Variants in PLCXD3 observed in about 807,000 individuals in gnomAD.
PLCXD3 encodes PI-PLC X domain-containing protein 3.
Under a neutral mutation model 25.5 loss-of-function variants are expected in PLCXD3, and 19 were observed. That is an observed-to-expected ratio of 0.75 (90% confidence interval 0.52 to 1.09). PLCXD3 has a LOEUF of 1.09. Among genes scored for constraint, PLCXD3 ranks in the 50% least tolerant of loss-of-function variants. The probability of loss-of-function intolerance (pLI) is 0.00; values close to 1 mark genes in which losing one functional copy is unlikely to be tolerated. For missense variants in PLCXD3, 411 were observed against 388.1 expected (o/e 1.06, Z -0.50); for synonymous variants, 174 against 137.6 (o/e 1.26, Z -1.85).
At chr5:41,383,216 AACAGCATTTAAAAATTG>A (rs1336689757) in intron 1 of PLCXD3, among the ~76,000 whole-genome samples, 3 of 152,158 alleles carry the variant, frequency 2.0e-5, no homozygotes, top group Non-Finnish European at 4.4e-5. Context: ...TTTAAAAATT[AACAGCATTTAAAAATTG>A]ACAGCATTTA....
At position 41,490,111 on chromosome 5, in the gene PLCXD3, C is replaced by T. The variant is rs192689193; in HGVS notation, c.103+20313G>A. Among the ~76,000 whole-genome samples, 1,038 of 152,262 alleles carry T rather than the reference C, an allele frequency of 6.8e-3. 9 individuals carry two copies. Among genetic ancestry groups the T allele is most frequent in the Non-Finnish European group, 9.3e-3 (634 of 68,028 alleles). ...CTTATTATCTTGAGATATGTCCCAT[C>T]AATACCTAATTTATTGAGAGTTTTT... On this transcript the variant is annotated intron_variant, in intron 1 of 2. Transcript: ENST00000377801.
chr5:41,325,308 GC>G (rs896206304), intron 2 of PLCXD3, among the ~76,000 whole-genome samples: 1 of 152,134 alleles, frequency 6.6e-6, no homozygotes, highest in African/African-American at 2.4e-5. Flanking sequence ...AAGCAATAAT[GC>G]CAAGTTAAAT....
chr5:41,467,984 G>C (rs1341565318), intron 1 of PLCXD3, among the ~76,000 whole-genome samples: 1 of 142,386 alleles, frequency 7.0e-6, no homozygotes, highest in Non-Finnish European at 1.5e-5. Context: ...TTTGAAATCA[G>C]GAGTGTGATA....
chr5:41,472,370 C>G (rs1376955502), intron 1 of PLCXD3, among the ~76,000 whole-genome samples: 1 of 152,148 alleles, frequency 6.6e-6, no homozygotes, highest in Non-Finnish European at 1.5e-5. Flanking sequence ...GGAAAAACAT[C>G]TATTTTCTTC....
At chr5:41,315,653 G>T (rs1029472065) in intron 2 of PLCXD3, among the ~76,000 whole-genome samples, 1 of 152,160 alleles carries the variant, frequency 6.6e-6, no homozygotes, top group African/African-American at 2.4e-5. Flanking sequence ...TGCCACAGAA[G>T]AAATAGAAAA....
intron 1 of PLCXD3, among the ~76,000 whole-genome samples, chr5:41,432,858 A>G (rs754761628): frequency 3.3e-4 from 51 of 152,362 alleles, no homozygotes; most frequent in Non-Finnish European, 5.9e-4. Context: ...TACAGGTTGA[A>G]TAGACTGATG....
At chr5:41,354,644 C>T (rs759496779) in intron 2 of PLCXD3, among the ~76,000 whole-genome samples, 1 of 152,066 alleles carries the variant, frequency 6.6e-6, no homozygotes, top group Non-Finnish European at 1.5e-5. Context: ...GTACCTAGAT[C>T]CTGGGTAGCA....
chr5:41,313,619 A>G lies in PLCXD3; in HGVS notation c.964T>C (p.Ter322ArgextTer1), dbSNP rs772733681. ...YVFDEGEANT* is the reference protein window; with the variant it reads ...YVFDEGEANTR ...CATGGAAACTCCAAGTAGTGCTATCAAGTGTTGGCTTCTCCTTCATCAAAG... is the reference window on the plus strand; with the variant it reads ...CATGGAAACTCCAAGTAGTGCTATCGAGTGTTGGCTTCTCCTTCATCAAAG... The change falls in exon 3 of 3, where the codon TGA becomes CGA. Residue 322 changes from the stop codon to arginine (R), a stop_lost. Transcript: ENST00000377801. 2 of 1,613,752 alleles carry G rather than the reference A, an allele frequency of 1.2e-6. No homozygotes were observed. Among genetic ancestry groups the G allele is most frequent in the Admixed American group, 3.3e-5 (2 of 60,010 alleles).
Position 41,461,598 on chromosome 5 carries a change from T to C in PLCXD3, c.103+48826A>G, listed in dbSNP as rs989261702. On this transcript the variant is annotated intron_variant, in intron 1 of 2. Transcript: ENST00000377801. Reference sequence around the variant, plus strand: ...GCACTGATATTTCTACATTTAGCCTTGTTTTTACAGTATTTCAGAGGTGTC... The same window carrying C: ...GCACTGATATTTCTACATTTAGCCTCGTTTTTACAGTATTTCAGAGGTGTC... 5.7e-4 allele frequency among the ~76,000 whole-genome samples: 87 copies of C among 152,034 alleles called. 1 individual carries two copies. The highest frequency in any genetic ancestry group is 1.9e-3 in the African/African-American group (78 of 41,436).
chr5:41,408,738 G>A (rs1012291286), intron 1 of PLCXD3, among the ~76,000 whole-genome samples: 2 of 152,172 alleles, frequency 1.3e-5, no homozygotes, highest in African/African-American at 4.8e-5. Context: ...AGAATACGGT[G>A]TCGCATAAGT....
At chr5:41,474,983 A>T (rs2150521133) in intron 1 of PLCXD3, among the ~76,000 whole-genome samples, 1 of 152,320 alleles carries the variant, frequency 6.6e-6, no homozygotes, top group East Asian at 1.9e-4. Flanking sequence ...AGCCAAAGTC[A>T]AAGCTAGCAT....
intron 1 of PLCXD3, among the ~76,000 whole-genome samples, chr5:41,392,320 G>T (rs187471587): frequency 6.6e-6 from 1 of 152,208 alleles, no homozygotes; most frequent in African/African-American, 2.4e-5. Context: ...AGCTTTAGGT[G>T]GCTCAGAACA....
chr5:41,376,314 G>C (rs1201695008), intron 2 of PLCXD3, among the ~76,000 whole-genome samples: 1 of 152,028 alleles, frequency 6.6e-6, no homozygotes, highest in African/African-American at 2.4e-5. Flanking sequence ...ACACTTGCTG[G>C]CATGCCACTC....
rs1289179439 is a variant in PLCXD3, at chr5:41,313,057, A to G, written c.*560T>C. 1 of 152,884 alleles carries G rather than the reference A, an allele frequency of 6.5e-6. No homozygotes were observed. The highest frequency in any genetic ancestry group is 6.5e-5 in the Admixed American group (1 of 15,306). 9.5% of individuals were successfully genotyped at this position (152,884 alleles called of 1,614,324 possible). A position where few individuals can be genotyped will look rare whatever the true frequency, so the allele number is the denominator to read the frequency against. ...ACCTTCAATATTACTGATGCATGGA[A>G]ACTGATTTGATGCAGATTTTCTATG... On this transcript the variant is annotated 3_prime_UTR_variant, in exon 3 of 3. Coordinates refer to ENST00000377801, the MANE Select transcript of PLCXD3 (RefSeq NM_001005473.3).
At chr5:41,392,417 T>C (rs74793928) in intron 1 of PLCXD3, among the ~76,000 whole-genome samples, 15,483 of 152,196 alleles carry the variant, frequency 0.1, 896 homozygotes, top group Non-Finnish European at 0.12. Flanking sequence ...AGTCTCTGCC[T>C]GGTAATCCAG....
intron 2 of PLCXD3, among the ~76,000 whole-genome samples, chr5:41,352,120 T>TA (rs1366233613): frequency 2.7e-5 from 4 of 149,790 alleles, no homozygotes; most frequent in African/African-American, 7.4e-5. Flanking sequence ...AATTATAAAA[T>TA]AAAGAACTGT....
intron 1 of PLCXD3, among the ~76,000 whole-genome samples, chr5:41,489,661 G>T (rs1430802328): frequency 6.6e-6 from 1 of 151,890 alleles, no homozygotes; most frequent in Non-Finnish European, 1.5e-5. Flanking sequence ...TTGTAAGTTG[G>T]ATTCCTAGGT....
At position 41,494,023 on chromosome 5, in the gene PLCXD3, C is replaced by T. The variant is rs549908580; in HGVS notation, c.103+16401G>A. 2.1e-4 allele frequency among the ~76,000 whole-genome samples: 32 copies of T among 152,368 alleles called. No individual in the cohort carries two copies. In the East Asian group the frequency reaches 4.6e-3, roughly 22 times the overall value. ...TGGAAATGCAGAAATCACCCGTGTT[C>T]TGCGTTGCTCACGCTGGGAGCTGTA... On this transcript the variant is annotated intron_variant, in intron 1 of 2. Transcript: ENST00000377801.
At chr5:41,423,641 T>A (rs1013367807) in intron 1 of PLCXD3, among the ~76,000 whole-genome samples, 4 of 152,120 alleles carry the variant, frequency 2.6e-5, no homozygotes, top group African/African-American at 7.2e-5. Context: ...TTCTAATATA[T>A]ACATAAAAGG....
Sources: gnomAD v4.1 joint callset for allele counts (sites outside exome capture counted in the v4.1 genomes callset) on GRCh38, gnomAD v4.1.1 for gene constraint, MANE v1.5 for transcripts, NCBI Gene and HGNC (gene_info 2026-07-23, HGNC 2026-07-21) for gene names.